The following CDH4 variants were observed in gnomAD, a reference collection of about 807,000 sequenced individuals.
CDH4 encodes the protein cadherin-4.
CDH4 carries 33 observed loss-of-function variants against 86.0 expected under a neutral mutation model. The ratio of observed to expected loss-of-function variants is 0.38; its 90% CI spans 0.29 to 0.51. CDH4 has a LOEUF of 0.51. CDH4 is among the 20% of genes least tolerant of loss of function. CDH4 has a pLI of 0.86. For synonymous variants in CDH4, 555 were observed against 549.4 expected (o/e 1.01, Z -0.14); for missense variants, 1,114 against 1,307.4 (o/e 0.85, Z 2.28).
intron 3 of CDH4, among the ~76,000 whole-genome samples, chr20:61,768,911 G>A (rs2088736520): frequency 6.6e-6 from 1 of 152,098 alleles, no homozygotes. Context: ...TTTAAAAAAC[G>A]GCTGTATGGA....
chr20:61,354,840 C>T (rs139511032), intron 2 of CDH4, among the ~76,000 whole-genome samples: 30 of 152,272 alleles, frequency 2.0e-4, no homozygotes, highest in African/African-American at 7.2e-4. Flanking sequence ...GGTGCAGGAG[C>T]GGCTGGAGAG....
At chr20:61,321,481 TTG>T (rs373568187) in intron 2 of CDH4, among the ~76,000 whole-genome samples, 2 of 151,812 alleles carry the variant, frequency 1.3e-5, no homozygotes, top group Admixed American at 1.3e-4. Flanking sequence ...ACATTTCACA[TTG>T]TGTGTGTGTG....
chr20:61,382,323 C>T (rs2084907320), intron 2 of CDH4, among the ~76,000 whole-genome samples: 1 of 152,180 alleles, frequency 6.6e-6, no homozygotes, highest in African/African-American at 2.4e-5. Flanking sequence ...AGGTAGGGAT[C>T]GTTTCTTCAT....
At chr20:61,677,134 G>T (rs1182037729) in intron 2 of CDH4, among the ~76,000 whole-genome samples, 1 of 152,198 alleles carries the variant, frequency 6.6e-6, no homozygotes, top group Non-Finnish European at 1.5e-5. Context: ...GACCCCTGGG[G>T]TGTGCAGTAT....
intron 2 of CDH4, among the ~76,000 whole-genome samples, chr20:61,306,930 C>T (rs535390477): frequency 1.2e-4 from 19 of 152,238 alleles, no homozygotes; most frequent in Admixed American, 6.5e-4. Context: ...CCTGGCTGGG[C>T]GGGACTTCTC....
chr20:61,937,036 C>G lies in CDH4; in HGVS notation c.*93C>G. 8.9e-7 allele frequency: 1 copy of G among 1,117,942 alleles called. No individual in the cohort carries two copies. Among genetic ancestry groups the G allele is most frequent in the Non-Finnish European group, 1.2e-6 (1 of 805,912 alleles). 69.3% of individuals were successfully genotyped at this position (1,117,942 alleles called of 1,614,324 possible). A position where few individuals can be genotyped will look rare whatever the true frequency, so the allele number is the denominator to read the frequency against. The stretch of plus-strand genomic sequence containing the variant: ...GGCGGCCGGTCTTCCCGACTCCCTG[C>G]GGCTGTGTCCTTAGTGCTGTTAGGA... On this transcript the variant is annotated 3_prime_UTR_variant, in exon 16 of 16. Transcript: ENST00000614565.
At chr20:61,615,985 G>A (rs1427425715) in intron 2 of CDH4, among the ~76,000 whole-genome samples, 5 of 152,196 alleles carry the variant, frequency 3.3e-5, no homozygotes, top group South Asian at 2.1e-4. Context: ...TGAAGGCCAC[G>A]CGATGGCCAC....
At chr20:61,669,610 C>T (rs1299788180) in intron 2 of CDH4, among the ~76,000 whole-genome samples, 1 of 152,284 alleles carries the variant, frequency 6.6e-6, no homozygotes, top group Admixed American at 6.5e-5. Flanking sequence ...AGAAACTTAT[C>T]CGGTGTGTAA....
At chr20:61,357,341 C>T (rs767487671) in intron 2 of CDH4, among the ~76,000 whole-genome samples, 3 of 152,184 alleles carry the variant, frequency 2.0e-5, no homozygotes, top group Non-Finnish European at 2.9e-5. Context: ...GGCTGGTCCA[C>T]ACCCACTGCT....
rs750099187 is a variant in CDH4 at position 61,663,624 on chromosome 20, G to C, written c.170-79939G>C. On this transcript the variant is annotated intron_variant, in intron 2 of 15. Transcript: ENST00000614565. This position sits in a 1 kb window ranked among gnomAD's most constrained non-coding sequence, Gnocchi z 5.0. Reference sequence around the variant, plus strand: ...GGCAGGACCGGGTGTGTGTGTCCAAGAGACCATCTTGGCTGCCCAGGGGAA... The same window carrying C: ...GGCAGGACCGGGTGTGTGTGTCCAACAGACCATCTTGGCTGCCCAGGGGAA... 7.9e-5 allele frequency among the ~76,000 whole-genome samples: 12 copies of C among 152,126 alleles called. No homozygotes were observed. The highest frequency in any genetic ancestry group is 1.2e-4 in the Non-Finnish European group (8 of 68,008).
chr20:61,899,014 G>A (rs952776995), intron 8 of CDH4, among the ~76,000 whole-genome samples: 1 of 152,190 alleles, frequency 6.6e-6, no homozygotes, highest in Non-Finnish European at 1.5e-5. Flanking sequence ...AGAAGAGGGA[G>A]GGCCGGGCGC....
chr20:61,874,600 G>A (rs181745843), intron 7 of CDH4, among the ~76,000 whole-genome samples: 3 of 152,280 alleles, frequency 2.0e-5, no homozygotes, highest in Middle Eastern at 3.4e-3. Context: ...AAGTGCAGGC[G>A]CATCTCCAGC....
intron 4 of CDH4, among the ~76,000 whole-genome samples, chr20:61,806,571 G>A (rs535552683): frequency 3.6e-5 from 4 of 111,798 alleles, no homozygotes; most frequent in East Asian, 5.1e-4. Flanking sequence ...ATGTCCACGC[G>A]CACGCACACA....
chr20:61,426,524 G>A (rs529881701), intron 2 of CDH4, among the ~76,000 whole-genome samples: 12 of 152,264 alleles, frequency 7.9e-5, no homozygotes, highest in African/African-American at 2.4e-4. Flanking sequence ...TGCAGAAGAC[G>A]GTCTGCCTGT....
At chr20:61,777,280 G>A (rs1021779577) in intron 4 of CDH4, among the ~76,000 whole-genome samples, 7 of 152,050 alleles carry the variant, frequency 4.6e-5, no homozygotes, top group Admixed American at 1.3e-4. Context: ...AGTGATAGAC[G>A]TGATCTCAGT....
At chr20:61,300,135 C>A (rs1400484465) in intron 2 of CDH4, among the ~76,000 whole-genome samples, 1 of 152,134 alleles carries the variant, frequency 6.6e-6, no homozygotes, top group East Asian at 1.9e-4. Flanking sequence ...CTTACGGTGG[C>A]ATGGGGAGGG....
intron 3 of CDH4, 35 bp downstream of exon 3, chr20:61,743,824 T>C (rs1465742360): frequency 7.5e-6 from 11 of 1,472,028 alleles, no homozygotes; most frequent in Non-Finnish European, 1.0e-5. Flanking sequence ...CGCTGGAGTT[T>C]AGATGACCTA....
At chr20:61,803,110 C>T (rs781568274) in intron 4 of CDH4, among the ~76,000 whole-genome samples, 2 of 152,236 alleles carry the variant, frequency 1.3e-5, no homozygotes, top group South Asian at 4.1e-4. Flanking sequence ...AGCCCTGTCT[C>T]AGCAGCGCGG....
chr20:61,930,146 C>A (rs1048647194), intron 13 of CDH4, among the ~76,000 whole-genome samples: 2 of 152,214 alleles, frequency 1.3e-5, no homozygotes, highest in Admixed American at 6.5e-5. Flanking sequence ...CCCTCCAGGA[C>A]CTGTGACGCC....
Sources: gnomAD v4.1 joint callset for allele counts (sites outside exome capture counted in the v4.1 genomes callset) on GRCh38, gnomAD v4.1.1 for gene constraint, Gnocchi (gnomAD v3.1) non-coding constraint, MANE v1.5 for transcripts, NCBI Gene and HGNC (gene_info 2026-07-23, HGNC 2026-07-21) for gene names.